CDK14: variants seen among roughly 807,000 people sequenced by gnomAD.
The protein encoded by CDK14 is cyclin-dependent kinase 14.
CDK14 carries 34 observed loss-of-function variants against 60.7 expected under a neutral mutation model. The ratio of observed to expected loss-of-function variants is 0.56; its 90% CI spans 0.43 to 0.75. The LOEUF is 0.75. Ranked by LOEUF, CDK14 falls within the 30% of genes least tolerant of loss-of-function variation. CDK14 has a pLI of 0.00. For synonymous variants in CDK14, 197 were observed against 203.7 expected (o/e 0.97, Z 0.28); for missense variants, 482 against 564.1 (o/e 0.85, Z 1.47).
chr7:90,601,070 A>G (rs1277999704), intron 1 of CDK14, among the ~76,000 whole-genome samples: 1 of 152,248 alleles, frequency 6.6e-6, no homozygotes, highest in East Asian at 1.9e-4. Context: ...GAGGAGCATC[A>G]CTTTCATCTA....
At chr7:90,886,779 A>G (rs966632786) in intron 6 of CDK14, among the ~76,000 whole-genome samples, 1 of 152,162 alleles carries the variant, frequency 6.6e-6, no homozygotes, top group Non-Finnish European at 1.5e-5. Context: ...TGAGAAAGTT[A>G]TTATTTTTGA....
chr7:91,118,275 T>C (rs1799672726), intron 14 of CDK14, 67 bp downstream of exon 14: 4 of 726,562 alleles, frequency 5.5e-6, no homozygotes, highest in Admixed American at 2.5e-5. Context: ...TTAAGTGAAA[T>C]ATTTCAGACT....
intron 8 of CDK14, among the ~76,000 whole-genome samples, chr7:90,934,654 C>T (rs1793696151): frequency 6.6e-6 from 1 of 152,130 alleles, no homozygotes; most frequent in African/African-American, 2.4e-5. Context: ...AATTAAAAAA[C>T]TAAGAATGAA....
At chr7:90,910,213 A>G (rs1333066264) in intron 7 of CDK14, among the ~76,000 whole-genome samples, 1 of 152,146 alleles carries the variant, frequency 6.6e-6, no homozygotes, top group Non-Finnish European at 1.5e-5. Context: ...AAAATTCAGT[A>G]CTTTGAATTG....
Position 90,776,856 on chromosome 7 carries a change from G to T in CDK14, c.465-13717G>T, listed in dbSNP as rs185710116. ...GGAGAGGCATTAGCAGTCTTGAGATGTCCAAACCTTTACAGAAGACGATAA... is the reference window on the plus strand; with the variant it reads ...GGAGAGGCATTAGCAGTCTTGAGATTTCCAAACCTTTACAGAAGACGATAA... On this transcript the variant is annotated intron_variant, in intron 4 of 14. Coordinates refer to ENST00000380050, the MANE Select transcript of CDK14 (RefSeq NM_001287135.2). 3.0e-3 allele frequency among the ~76,000 whole-genome samples: 452 copies of T among 152,240 alleles called. 2 individuals are homozygous for T. The highest frequency in any genetic ancestry group is 0.01 in the African/African-American group (426 of 41,536).
At chr7:91,102,206 T>C (rs1799165403) in intron 12 of CDK14, among the ~76,000 whole-genome samples, 1 of 152,150 alleles carries the variant, frequency 6.6e-6, no homozygotes, top group Non-Finnish European at 1.5e-5. Context: ...AGTGTGACGG[T>C]GCATAAAGTA....
chr7:90,998,837 G>C (rs918516265), intron 10 of CDK14, among the ~76,000 whole-genome samples: 21 of 151,984 alleles, frequency 1.4e-4, no homozygotes, highest in Non-Finnish European at 2.1e-4. Context: ...TGCAGTGAGC[G>C]GAGATCGCGC....
In CDK14 at chr7:90,955,680, T is replaced by C; in HGVS notation, c.827-17T>C. ...CTAATGCCTGTTAAACTTCTTTATG[T>C]TTCATATAACCCACAGGTCTTGCAA... On this transcript the variant is annotated splice_polypyrimidine_tract_variant and intron_variant, in intron 8 of 14. Transcript: ENST00000380050. 6.2e-7 allele frequency: 1 copy of C among 1,612,044 alleles called. No individual in the cohort carries two copies.
chr7:91,097,796 A>T (rs984046566), intron 12 of CDK14, among the ~76,000 whole-genome samples: 4 of 152,162 alleles, frequency 2.6e-5, no homozygotes, highest in Non-Finnish European at 5.9e-5. Context: ...AGTATAAGGG[A>T]GATCACATGT....
intron 11 of CDK14, among the ~76,000 whole-genome samples, chr7:91,075,692 A>G (rs1798283418): frequency 6.6e-6 from 1 of 152,234 alleles, no homozygotes; most frequent in Admixed American, 6.5e-5. Context: ...CTGTTTGCAG[A>G]TGTCATGATT....
In CDK14 at chr7:91,146,154, G is replaced by A. The variant is rs1427028197; in HGVS notation, c.*28+27946G>A. ...CCAAGGAGAACATATACTTTGAAAA[G>A]GGGGCTAAAACATGTAGCTATACAA... On this transcript the variant is annotated intron_variant, in intron 14 of 14. Coordinates refer to ENST00000380050, the MANE Select transcript of CDK14 (RefSeq NM_001287135.2). Among the ~76,000 whole-genome samples the A allele has an allele frequency of 3.3e-5, 5 of 152,200 alleles. No homozygotes were observed. The South Asian group carries it at 1.0e-3, about 32-fold the overall frequency.
intron 10 of CDK14, among the ~76,000 whole-genome samples, chr7:91,019,705 G>C (rs1057174774): frequency 6.6e-6 from 1 of 152,052 alleles, no homozygotes; most frequent in Non-Finnish European, 1.5e-5. Flanking sequence ...CCTAAAAGCT[G>C]CTTTTAGCAT....
rs66713333 is a variant in CDK14 at position 90,773,903 on chromosome 7, CTTT to C, written c.465-16654_465-16652del. 7.3e-3 allele frequency among the ~76,000 whole-genome samples: 583 copies of C among 80,372 alleles called. 10 individuals carry two copies. Among genetic ancestry groups the C allele is most frequent in the African/African-American group, 0.025 (502 of 19,760 alleles). 52.7% of individuals were successfully genotyped at this position (80,372 alleles called of 152,430 possible). ...TCTCCTCTCCTCTCCTCTTTTCTTT[CTTT>C]TTTTTTTTTTTTTTTGAGATGGAGT... On this transcript the variant is annotated intron_variant, in intron 4 of 14. Transcript: ENST00000380050.
At chr7:90,870,388 G>A (rs778667552) in intron 6 of CDK14, among the ~76,000 whole-genome samples, 2 of 152,088 alleles carry the variant, frequency 1.3e-5, no homozygotes, top group Non-Finnish European at 2.9e-5. Context: ...AATAACTAAT[G>A]GATACTAGGC....
intron 2 of CDK14, among the ~76,000 whole-genome samples, chr7:90,612,562 A>G (rs915117382): frequency 6.6e-6 from 1 of 152,112 alleles, no homozygotes; most frequent in Admixed American, 6.5e-5. Flanking sequence ...ACTTGAGGTC[A>G]GGAGTTCGAG....
In CDK14 at chr7:90,955,716, C is replaced by T. The variant is rs201386540; in HGVS notation, c.846C>T (p.Ser282=). 3.3e-5 allele frequency: 54 copies of T among 1,613,164 alleles called. No individual in the cohort carries two copies. The highest frequency in any genetic ancestry group is 2.3e-5 in the Non-Finnish European group (27 of 1,179,394). Residue 282 remains serine, a synonymous_variant, in exon 9 of 15, where the codon TCC becomes TCT. Transcript: ENST00000380050. ...CCACAGGTCTTGCAAGAGCAAAATCCGTCCCTAGCCACACATACTCCAACG... is the reference window on the plus strand; with the variant it reads ...CCACAGGTCTTGCAAGAGCAAAATCTGTCCCTAGCCACACATACTCCAACG... ...LADFGLARAK[S]VPSHTYSNEV...
Position 90,863,204 on chromosome 7 carries a change from A to G in CDK14, c.574A>G (p.Asn192Asp), listed in dbSNP as rs1185397175. 6.2e-7 allele frequency: 1 copy of G among 1,608,570 alleles called. No homozygotes were observed. The highest frequency in any genetic ancestry group is 8.5e-7 in the Non-Finnish European group (1 of 1,175,980). ...TCTTTTAAAAGGACTAAAACATGCT[A>G]ACATAGTGCTACTTCATGACATCAT... ...ASLLKGLKHA[N>D]IVLLHDIIHT... Residue 192 changes from asparagine to aspartate, a missense_variant, in exon 6 of 15, where the codon AAC becomes GAC. By Grantham distance (23) the Asn-to-Asp change is conservative. Coordinates refer to ENST00000380050, the MANE Select transcript of CDK14 (RefSeq NM_001287135.2).
chr7:91,058,107 G>C (rs1055855393), intron 11 of CDK14, among the ~76,000 whole-genome samples: 5 of 151,746 alleles, frequency 3.3e-5, no homozygotes, highest in Admixed American at 3.3e-4. Flanking sequence ...AGTTCTCCTT[G>C]AAGAGGTCCT....
Position 91,051,743 on chromosome 7 carries a change from A to G in CDK14, c.1105+5783A>G, listed in dbSNP as rs142996110. Among the ~76,000 whole-genome samples the G allele has an allele frequency of 2.6e-3, 391 of 152,312 alleles. 1 individual carries two copies. Among genetic ancestry groups the G allele is most frequent in the African/African-American group, 8.9e-3 (370 of 41,554 alleles). Reference sequence around the variant, plus strand: ...TTATTCACTAACAGGAGGCTTTTGCATAAGGCTCTCTGCTATAAATTCCTC... The same window carrying G: ...TTATTCACTAACAGGAGGCTTTTGCGTAAGGCTCTCTGCTATAAATTCCTC... On this transcript the variant is annotated intron_variant, in intron 11 of 14. Coordinates refer to ENST00000380050, the MANE Select transcript of CDK14 (RefSeq NM_001287135.2).
Sources: allele counts gnomAD v4.1 joint callset (sites outside exome capture counted in the v4.1 genomes callset), GRCh38; gene constraint gnomAD v4.1.1; transcripts MANE v1.5; gene names NCBI Gene and HGNC (gene_info 2026-07-23, HGNC 2026-07-21).